ANKRD27: variants seen among roughly 807,000 people sequenced by gnomAD.
ANKRD27 encodes the protein ankyrin repeat domain-containing protein 27.
Under a neutral mutation model 129.7 loss-of-function variants are expected in ANKRD27, and 112 were observed. The observed-to-expected ratio is 0.86, with a 90% CI of 0.74 to 1.01. The LOEUF (loss-of-function observed/expected upper bound fraction) is 1.01. ANKRD27 is among the 50% of genes least tolerant of loss of function. ANKRD27 has a pLI of 0.00. For missense variants in ANKRD27, 1,258 were observed against 1,300.5 expected, an observed-to-expected ratio of 0.97 and a Z score of 0.50; for synonymous variants, 516 against 511.2, an observed-to-expected ratio of 1.01 and a Z score of -0.13.
chr19:32,604,391 C>A lies in ANKRD27; in HGVS notation c.2527G>T (p.Gly843Cys). 1 of 1,612,272 alleles carries A rather than the reference C, an allele frequency of 6.2e-7. No individual in the cohort carries two copies. Among genetic ancestry groups the A allele is most frequent in the South Asian group, 1.1e-5 (1 of 91,000 alleles). The change falls in exon 25 of 29, where the codon GGC becomes TGC. Residue 843 changes from glycine to cysteine, a missense_variant. Physicochemically the swap from Gly to Cys is radical, Grantham distance 159 (BLOSUM62 -3). Transcript: ENST00000306065. ...ACAGCCTCGTGCAGCGCTGTGTTGC[C>A]CTTATTGTTAGAAGCGTTAATGGAG... ...GASINASNNK[G>C]NTALHEAVIE...
intron 26 of ANKRD27, 57 bp downstream of exon 26, chr19:32,601,958 T>C: frequency 2.8e-6 from 3 of 1,067,926 alleles, no homozygotes; most frequent in Non-Finnish European, 2.9e-6. Context: ...CAGCAACTAC[T>C]CATGAATGTC....
rs558001554 is a variant in ANKRD27, at chr19:32,673,437, A to G, written c.-31+1634T>C. On this transcript the variant is annotated intron_variant, in intron 1 of 28. Coordinates refer to ENST00000306065, the MANE Select transcript of ANKRD27 (RefSeq NM_032139.3). The stretch of plus-strand genomic sequence containing the variant: ...CGATCTTTCCAGCGCCGAGCTCTGC[A>G]GGATTCCTCAAAGGATTCCCCTGCA... The G allele has an allele frequency of 6.1e-6, 6 of 985,400 alleles. No individual in the cohort carries two copies. The African/African-American group carries it at 8.7e-5, about 14-fold the overall frequency. 61.0% of individuals were successfully genotyped at this position (985,400 alleles called of 1,614,324 possible). A position where few individuals can be genotyped will look rare whatever the true frequency, so the allele number is the denominator to read the frequency against.
rs553649616 is a variant in ANKRD27 at position 32,609,052 on chromosome 19, G to A, written c.2176-1220C>T. Among the ~76,000 whole-genome samples, 2 of 151,334 alleles carry A rather than the reference G, an allele frequency of 1.3e-5. 1 individual carries two copies. The highest frequency in any genetic ancestry group is 4.2e-4 in the South Asian group (2 of 4,804). On this transcript the variant is annotated intron_variant, in intron 22 of 28. Transcript: ENST00000306065. The stretch of plus-strand genomic sequence containing the variant: ...CTGGCTGATTTTTGTATTTGTAGTA[G>A]AGACAGGGTTTTGCCACGTTGGCTA...
At chr19:32,652,045 C>G (rs940088963) in intron 2 of ANKRD27, among the ~76,000 whole-genome samples, 2 of 152,178 alleles carry the variant, frequency 1.3e-5, no homozygotes, top group African/African-American at 2.4e-5. Flanking sequence ...CTGCTGAGAC[C>G]GGGGAGGAGT....
At chr19:32,624,222 C>T (rs948800082) in intron 17 of ANKRD27, among the ~76,000 whole-genome samples, 5 of 152,030 alleles carry the variant, frequency 3.3e-5, no homozygotes, top group African/African-American at 4.8e-5. Flanking sequence ...CAAAAATTAG[C>T]TGGATGTGGT....
At chr19:32,621,077 C>T (rs1190861257) in intron 18 of ANKRD27, among the ~76,000 whole-genome samples, 1 of 151,872 alleles carries the variant, frequency 6.6e-6, no homozygotes, top group East Asian at 1.9e-4. Context: ...TTAGAGAAAA[C>T]AAAAATAAAA....
At chr19:32,622,019 G>C (rs533024802) in intron 18 of ANKRD27, among the ~76,000 whole-genome samples, 1 of 152,066 alleles carries the variant, frequency 6.6e-6, no homozygotes, top group Non-Finnish European at 1.5e-5. Context: ...AACCACACTC[G>C]ATGTCCAGAA....
At chr19:32,642,977 T>C in intron 9 of ANKRD27, 146 bp downstream of exon 9, 1 of 771,774 alleles carries the variant, frequency 1.3e-6, no homozygotes, top group Non-Finnish European at 2.1e-6. Flanking sequence ...CAGCCCTTTA[T>C]CTTTGGTTGC....
chr19:32,631,296 G>C, intron 13 of ANKRD27, 106 bp downstream of exon 13: 1 of 1,001,478 alleles, frequency 1.0e-6, no homozygotes, highest in Non-Finnish European at 1.5e-6. Context: ...TGTGATTATA[G>C]GCATGAGCCA....
At position 32,607,677 on chromosome 19, in the gene ANKRD27, T is replaced by C. The variant is rs1215381717; in HGVS notation, c.2331A>G (p.Gln777=). 6.2e-7 allele frequency: 1 copy of C among 1,612,216 alleles called. No homozygotes were observed. The highest frequency in any genetic ancestry group is 1.3e-5 in the African/African-American group (1 of 75,012). Reference sequence around the variant, plus strand: ...GGCAGGCCAGGTGGAGCGGGACGGCTTGGTCTGCGTTCCTGGCACCTGCGT... The same window carrying C: ...GGCAGGCCAGGTGGAGCGGGACGGCCTGGTCTGCGTTCCTGGCACCTGCGT... ...GANAGARNAD[Q]AVPLHLACQQ... is the part of the protein sequence containing the mutation. Residue 777 remains glutamine (Q), a synonymous_variant, in exon 23 of 29, where the codon CAA becomes CAG. Transcript: ENST00000306065.
chr19:32,607,448 C>T (rs1269412808), intron 23 of ANKRD27, among the ~76,000 whole-genome samples, 187 bp downstream of exon 23: 1 of 152,100 alleles, frequency 6.6e-6, no homozygotes, highest in Admixed American at 6.6e-5. Flanking sequence ...TGGCTCCACC[C>T]CCAGGGAGCA....
chr19:32,618,973 GTCT>G (rs1325156527), intron 20 of ANKRD27, among the ~76,000 whole-genome samples: 1 of 152,192 alleles, frequency 6.6e-6, no homozygotes, highest in African/African-American at 2.4e-5. Context: ...GACCTGACTT[GTCT>G]TCTTCTTAGC....
At chr19:32,634,785 C>T (rs1392433941) in intron 12 of ANKRD27, among the ~76,000 whole-genome samples, 1 of 152,138 alleles carries the variant, frequency 6.6e-6, no homozygotes, top group African/African-American at 2.4e-5. Context: ...CGTAGTGGTG[C>T]GTGCCTGTAG....
rs765125690 is a variant in ANKRD27, at chr19:32,643,623, C to T, written c.534G>A (p.Ala178=). ...GGAGGCATTTGGTGTAGAGAGCATTCGCTGAGTCCTAAACCACATAGAGCA... is the reference window on the plus strand; with the variant it reads ...GGAGGCATTTGGTGTAGAGAGCATTTGCTGAGTCCTAAACCACATAGAGCA... The part of the protein sequence containing the change: ...RKSLRHHIDS[A]NALYTKCLQQ... The change falls in exon 6 of 29, where the codon GCG becomes GCA. Residue 178 remains alanine (A), a synonymous_variant. Transcript: ENST00000306065. 2.0e-5 allele frequency: 32 copies of T among 1,613,824 alleles called. No homozygotes were observed. The highest frequency in any genetic ancestry group is 1.2e-4 in the South Asian group (11 of 91,070).
rs1194163976 is a variant in ANKRD27 at position 32,597,806 on chromosome 19, G to A, written c.*339C>T. On this transcript the variant is annotated 3_prime_UTR_variant, in exon 29 of 29. Transcript: ENST00000306065. ...CAGAGAGGTTTAGCACCTTTTGGGA[G>A]GAGGAGGTCAGAATGCGGTGGTGAA... 2.9e-6 allele frequency: 1 copy of A among 344,748 alleles called. No individual in the cohort carries two copies. The highest frequency in any genetic ancestry group is 5.5e-6 in the Non-Finnish European group (1 of 181,110). 21.4% of individuals were successfully genotyped at this position (344,748 alleles called of 1,614,324 possible). A position where few individuals can be genotyped will look rare whatever the true frequency, so the allele number is the denominator to read the frequency against.
At chr19:32,605,783 GCC>G (rs1971723781) in intron 24 of ANKRD27, 50 bp downstream of exon 24, 1 of 1,599,742 alleles carries the variant, frequency 6.3e-7, no homozygotes, top group African/African-American at 1.3e-5. Flanking sequence ...GGGTGGAGGC[GCC>G]CTGTTAACTG....
intron 2 of ANKRD27, 141 bp from the exon 3 acceptor site, chr19:32,649,933 C>T (rs563163653): frequency 2.4e-5 from 16 of 661,962 alleles, no homozygotes; most frequent in African/African-American, 1.4e-4. Flanking sequence ...CTTGCCAACA[C>T]GGCCACAGTG....
At chr19:32,626,445 A>AT (rs1253553908) in intron 16 of ANKRD27, among the ~76,000 whole-genome samples, 3 of 151,326 alleles carry the variant, frequency 2.0e-5, no homozygotes, top group African/African-American at 7.3e-5. Flanking sequence ...AAGCACTGGG[A>AT]TTACAGGCGT....
chr19:32,609,840 ATATAAT>A (rs1225020891), intron 22 of ANKRD27, among the ~76,000 whole-genome samples: 57 of 151,140 alleles, frequency 3.8e-4, no homozygotes, highest in African/African-American at 1.3e-3. Context: ...ATTATAATGT[ATATAAT>A]TATATTTCAA....
Sources: allele counts gnomAD v4.1 joint callset (sites outside exome capture counted in the v4.1 genomes callset), GRCh38; gene constraint gnomAD v4.1.1; transcripts MANE v1.5; gene names NCBI Gene and HGNC (gene_info 2026-07-23, HGNC 2026-07-21).